FAF1: variants seen among roughly 807,000 people sequenced by gnomAD.
FAF1 encodes Fas associated factor 1, also known as FAS-associated factor 1.
A neutral mutation model predicts 92.5 loss-of-function variants in FAF1; 25 were observed. That is an observed-to-expected ratio of 0.27 (90% confidence interval 0.20 to 0.38). The LOEUF (loss-of-function observed/expected upper bound fraction) is 0.38. Among genes scored for constraint, FAF1 ranks in the 10% least tolerant of loss-of-function variants. The pLI, the probability that FAF1 is intolerant of heterozygous loss-of-function variation, is 1.00. For synonymous variants in FAF1, 234 were observed against 273.2 expected, an observed-to-expected ratio of 0.86 and a Z score of 1.42; for missense variants, 636 against 793.3, an observed-to-expected ratio of 0.80 and a Z score of 2.38.
chr1:50,451,910 A>C, intron 18 of FAF1: 1 of 1,089,180 alleles, frequency 9.2e-7, no homozygotes, highest in Non-Finnish European at 1.1e-6. Flanking sequence ...AATGGTCTCA[A>C]ACTTGGCACA....
intron 1 of FAF1, among the ~76,000 whole-genome samples, chr1:50,941,202 G>T (rs12089568): frequency 0.086 from 13,033 of 151,614 alleles, 570 homozygotes; most frequent in African/African-American, 0.098. Flanking sequence ...TCAACTTTTT[G>T]TTTTGTTTTG....
intron 2 of FAF1, among the ~76,000 whole-genome samples, chr1:50,844,389 C>T (rs879647325): frequency 3.9e-5 from 6 of 152,022 alleles, no homozygotes; most frequent in Non-Finnish European, 5.9e-5. Flanking sequence ...AATATGTGTA[C>T]GTGGCAGATA....
intron 4 of FAF1, among the ~76,000 whole-genome samples, chr1:50,760,191 T>A (rs1050810921): frequency 2.0e-5 from 3 of 152,064 alleles, no homozygotes; most frequent in East Asian, 1.9e-4. Flanking sequence ...ATAAAGCAAG[T>A]CCTGAGTGAC....
At position 50,838,034 on chromosome 1, in the gene FAF1, C is replaced by T. The variant is rs11205779; in HGVS notation, c.114+19895G>A. Among the ~76,000 whole-genome samples the T allele has an allele frequency of 9.9e-3, 1,504 of 152,180 alleles. 23 individuals carry two copies. The highest frequency in any genetic ancestry group is 0.034 in the African/African-American group (1,425 of 41,526). ...CTGGGATTACAGGCGTGAGCCACCG[C>T]GCCTGGCTGGATGCTCCTTTATACA... On this transcript the variant is annotated intron_variant, in intron 2 of 18. Coordinates refer to ENST00000396153, the MANE Select transcript of FAF1 (RefSeq NM_007051.3).
At chr1:50,857,789 T>C in intron 2 of FAF1, 140 bp downstream of exon 2, 1 of 458,030 alleles carries the variant, frequency 2.2e-6, no homozygotes, top group South Asian at 4.8e-5. Context: ...ATATTAAAGA[T>C]ATGGCATTTA....
chr1:50,614,070 C>T (rs1239097257), intron 8 of FAF1, among the ~76,000 whole-genome samples: 3 of 151,712 alleles, frequency 2.0e-5, no homozygotes, highest in Non-Finnish European at 1.5e-5. Flanking sequence ...GCATTCCAGC[C>T]TGGCAATAGA....
chr1:50,495,782 G>A (rs1170884361), intron 15 of FAF1, among the ~76,000 whole-genome samples: 1 of 151,994 alleles, frequency 6.6e-6, no homozygotes, highest in African/African-American at 2.4e-5. Flanking sequence ...GTTATTCCCT[G>A]TCTTTGGGAT....
chr1:50,935,970 G>A lies in FAF1; in HGVS notation c.45+23797C>T, dbSNP rs1205601300. On this transcript the variant is annotated intron_variant, in intron 1 of 18. Transcript: ENST00000396153. ...AACATGACACAGTCCCAAACCTCAGGGCACTCAGACAGTGTTAACTAACAA... is the reference window on the plus strand; with the variant it reads ...AACATGACACAGTCCCAAACCTCAGAGCACTCAGACAGTGTTAACTAACAA... Among the ~76,000 whole-genome samples the A allele has an allele frequency of 2.0e-5, 3 of 152,198 alleles. No individual in the cohort carries two copies. The East Asian group carries it at 5.8e-4, about 29-fold the overall frequency.
intron 18 of FAF1, among the ~76,000 whole-genome samples, chr1:50,472,371 ACACACAC>A: frequency 4.0e-5 from 1 of 24,874 alleles, no homozygotes; most frequent in Middle Eastern, 0.024. Context: ...GAAAACATAC[ACACACAC>A]ACACACACAC....
At chr1:50,445,176 C>T (rs1646214052) in intron 18 of FAF1, among the ~76,000 whole-genome samples, 1 of 152,068 alleles carries the variant, frequency 6.6e-6, no homozygotes, top group Non-Finnish European at 1.5e-5. Flanking sequence ...CTTTGGTGCA[C>T]CCGTCACCCA....
chr1:50,751,103 A>G (rs1490048265), intron 4 of FAF1, among the ~76,000 whole-genome samples: 1 of 148,866 alleles, frequency 6.7e-6, no homozygotes, highest in African/African-American at 2.5e-5. Flanking sequence ...ATATTAGTAT[A>G]GTAAATGAGA....
At chr1:50,907,297 G>A (rs1570125487) in intron 1 of FAF1, among the ~76,000 whole-genome samples, 1 of 152,286 alleles carries the variant, frequency 6.6e-6, no homozygotes, top group South Asian at 2.1e-4. Context: ...TTTTATTGAG[G>A]ATTTCTGCAT....
Position 50,753,694 on chromosome 1 carries a change from CCT to C in FAF1, c.368-8921_368-8920del, listed in dbSNP as rs1245002411. On this transcript the variant is annotated intron_variant, in intron 4 of 18. Coordinates refer to ENST00000396153, the MANE Select transcript of FAF1 (RefSeq NM_007051.3). ...TTCCAATGCCTTATTTTAAACCTTC[CCT>C]CTCTCTTTTTGAACACAGGTAATAC... is the stretch of plus-strand genomic sequence containing the variant. Among the ~76,000 whole-genome samples the C allele has an allele frequency of 2.6e-5, 4 of 151,946 alleles. No homozygotes were observed. In the East Asian group the frequency reaches 7.7e-4, roughly 29 times the overall value.
chr1:50,666,124 C>T (rs562336266), intron 7 of FAF1, among the ~76,000 whole-genome samples: 1 of 144,536 alleles, frequency 6.9e-6, no homozygotes, highest in South Asian at 2.2e-4. Flanking sequence ...GCAGTGAGCC[C>T]AGATCAAAAA....
At chr1:50,787,697 A>C (rs892985150) in intron 4 of FAF1, among the ~76,000 whole-genome samples, 1 of 152,198 alleles carries the variant, frequency 6.6e-6, no homozygotes, top group Non-Finnish European at 1.5e-5. Flanking sequence ...GTAAAGTGTG[A>C]TATGCAATGT....
intron 4 of FAF1, 65 bp from the exon 5 acceptor site, chr1:50,744,840 C>G (rs1659523992): frequency 3.3e-6 from 3 of 910,702 alleles, no homozygotes; most frequent in Non-Finnish European, 5.2e-6. Flanking sequence ...TGTCCATATC[C>G]AGAGCTAACA....
Position 50,819,790 on chromosome 1 carries a change from TATATATATATAC to T in FAF1, c.115-18125_115-18114del, listed in dbSNP as rs1381662087. Reference sequence around the variant, plus strand: ...GTATATATATATACATATATATACATATATATATATACATATATATATATATATAGTATTGTA... The same window carrying T: ...GTATATATATATACATATATATACATATATATATATATATATAGTATTGTA... On this transcript the variant is annotated intron_variant, in intron 2 of 18. Coordinates refer to ENST00000396153, the MANE Select transcript of FAF1 (RefSeq NM_007051.3). Among the ~76,000 whole-genome samples the T allele has an allele frequency of 3.7e-4, 37 of 99,096 alleles. 1 individual carries two copies. The highest frequency in any genetic ancestry group is 5.6e-3 in the Middle Eastern group (1 of 178). 65.0% of individuals were successfully genotyped at this position (99,096 alleles called of 152,430 possible).
chr1:50,618,946 A>G (rs1278572008), intron 8 of FAF1, among the ~76,000 whole-genome samples: 1 of 150,260 alleles, frequency 6.7e-6, no homozygotes, highest in Non-Finnish European at 1.5e-5. Flanking sequence ...TAGTAGAGAC[A>G]AGGTTTCACC....
chr1:50,903,958 T>C (rs1025172277), intron 1 of FAF1, among the ~76,000 whole-genome samples: 1 of 152,194 alleles, frequency 6.6e-6, no homozygotes, highest in Non-Finnish European at 1.5e-5. Flanking sequence ...TACATAAGTA[T>C]GGCAGCCCTC....
Sources: gnomAD v4.1 joint callset for allele counts (sites outside exome capture counted in the v4.1 genomes callset) on GRCh38, gnomAD v4.1.1 for gene constraint, MANE v1.5 for transcripts, NCBI Gene and HGNC (gene_info 2026-07-23, HGNC 2026-07-21) for gene names.